SHANK2: variants seen among roughly 807,000 people sequenced by gnomAD.
The protein encoded by SHANK2 is SH3 and multiple ankyrin repeat domains 2, also known as SH3 and multiple ankyrin repeat domains protein 2.
In SHANK2, 43 loss-of-function variants were observed where a neutral mutation model predicts 133.7. That is an observed-to-expected ratio of 0.32 (90% confidence interval 0.25 to 0.41). SHANK2 has a LOEUF of 0.41. SHANK2 is among the 10% of genes least tolerant of loss of function. The pLI is 1.00. For synonymous variants in SHANK2, 1,017 were observed against 952.8 expected, an observed-to-expected ratio of 1.07 and a Z score of -1.24; for missense variants, 1,994 against 2,235.8, an observed-to-expected ratio of 0.89 and a Z score of 2.18.
chr11:71,119,244 C>T (rs1346257291), intron 3 of SHANK2, among the ~76,000 whole-genome samples: 1 of 152,152 alleles, frequency 6.6e-6, no homozygotes, highest in Non-Finnish European at 1.5e-5. Flanking sequence ...AAAGGAAAGA[C>T]CGAGGCATTG....
At chr11:70,505,401 TGCCCAG>T (rs782481766) in intron 17 of SHANK2, among the ~76,000 whole-genome samples, 55 of 151,896 alleles carry the variant, frequency 3.6e-4, no homozygotes, top group Admixed American at 7.8e-4. Context: ...GGAGGCAGGC[TGCCCAG>T]GCTCAGGAGC....
At chr11:70,948,555 T>G (rs1950788129) in intron 10 of SHANK2, among the ~76,000 whole-genome samples, 1 of 152,216 alleles carries the variant, frequency 6.6e-6, no homozygotes, top group African/African-American at 2.4e-5. Context: ...GAATCCCAAA[T>G]AAGACTCAGA....
Position 70,950,301 on chromosome 11 carries a change from C to T in SHANK2, c.1108-53734G>A, listed in dbSNP as rs113039235. Among the ~76,000 whole-genome samples, 1,004 of 151,988 alleles carry T rather than the reference C, an allele frequency of 6.6e-3. 7 individuals are homozygous for T. Among genetic ancestry groups the T allele is most frequent in the African/African-American group, 0.024 (977 of 41,458 alleles). ...AAGTGATTCTCCTGCCTCAGCCTCC[C>T]GAGTAGCTGGGATTACAGGCGAGCA... On this transcript the variant is annotated intron_variant, in intron 10 of 25. Transcript: ENST00000601538.
chr11:70,954,003 T>G (rs1287017228), intron 10 of SHANK2, among the ~76,000 whole-genome samples: 2 of 152,202 alleles, frequency 1.3e-5, no homozygotes, highest in Non-Finnish European at 2.9e-5. Context: ...CAGTCTTACA[T>G]GAACTTTACA....
intron 17 of SHANK2, among the ~76,000 whole-genome samples, chr11:70,534,906 C>A (rs1428887639): frequency 6.6e-6 from 1 of 152,016 alleles, no homozygotes; most frequent in Non-Finnish European, 1.5e-5. Context: ...TTCGGCCCAA[C>A]AGAGATGAGG....
Position 70,830,009 on chromosome 11 carries a change from G to A in SHANK2, c.1175-9327C>T, listed in dbSNP as rs551891742. On this transcript the variant is annotated intron_variant, in intron 11 of 25. Coordinates refer to ENST00000601538, the MANE Select transcript of SHANK2 (RefSeq NM_012309.5). This position sits in a 1 kb window ranked among gnomAD's most constrained non-coding sequence, Gnocchi z 4.4. ...GGGTTCTCACTGTCAGACGCGGGCA[G>A]CAGCCTGTAAGAGCCTCCTTCCCCC... is the stretch of plus-strand genomic sequence containing the variant. Among the ~76,000 whole-genome samples, 1 of 152,308 alleles carries A rather than the reference G, an allele frequency of 6.6e-6. No homozygotes were observed. The highest frequency in any genetic ancestry group is 2.1e-4 in the South Asian group (1 of 4,828).
At chr11:71,116,552 C>T (rs1461572843) in intron 4 of SHANK2, among the ~76,000 whole-genome samples, 8 of 152,226 alleles carry the variant, frequency 5.3e-5, no homozygotes, top group South Asian at 2.1e-4. Context: ...CAAAGAGCCC[C>T]GGTCACCCGG....
At chr11:70,599,907 GA>G (rs1228095491) in intron 17 of SHANK2, among the ~76,000 whole-genome samples, 1 of 12,612 alleles carries the variant, frequency 7.9e-5, no homozygotes, top group Non-Finnish European at 1.7e-4. Context: ...GAAAGAAAGA[GA>G]AAGAAAGAAA....
intron 14 of SHANK2, among the ~76,000 whole-genome samples, chr11:70,762,816 G>C (rs1947023152): frequency 6.6e-6 from 1 of 152,254 alleles, no homozygotes; most frequent in Admixed American, 6.5e-5. Flanking sequence ...CACCTGAAAT[G>C]TGTGCCCTCA....
intron 15 of SHANK2, among the ~76,000 whole-genome samples, chr11:70,675,075 C>T (rs566056776): frequency 2.0e-5 from 3 of 152,294 alleles, no homozygotes; most frequent in East Asian, 1.9e-4. Context: ...GCAAGGAGAA[C>T]GCGTTTTAGA....
At chr11:70,880,609 C>A (rs1191973640) in intron 11 of SHANK2, among the ~76,000 whole-genome samples, 1 of 152,226 alleles carries the variant, frequency 6.6e-6, no homozygotes, top group Non-Finnish European at 1.5e-5. Context: ...ACACAGAAGT[C>A]AAGACTCTTC....
intron 3 of SHANK2, among the ~76,000 whole-genome samples, chr11:71,119,400 C>T (rs529365439): frequency 1.9e-4 from 29 of 152,114 alleles, no homozygotes; most frequent in African/African-American, 3.1e-4. Flanking sequence ...GCCAACATGG[C>T]GAAACCCCAT....
intron 2 of SHANK2, among the ~76,000 whole-genome samples, chr11:71,158,725 A>G (rs1221657729): frequency 6.6e-6 from 1 of 152,244 alleles, no homozygotes; most frequent in Non-Finnish European, 1.5e-5. Flanking sequence ...AAAAAGTTAT[A>G]ATATGAAAAC....
At position 70,471,463 on chromosome 11, in the gene SHANK2, G is replaced by A; in HGVS notation, c.*1406C>T. 2 of 398,714 alleles carry A rather than the reference G, an allele frequency of 5.0e-6. No individual in the cohort carries two copies. The highest frequency in any genetic ancestry group is 8.8e-5 in the Admixed American group (2 of 22,732). The allele number at this position is 398,714 out of a possible 1,614,324, so 24.7% of individuals were successfully genotyped here. On this transcript the variant is annotated 3_prime_UTR_variant, in exon 26 of 26. Coordinates refer to ENST00000601538, the MANE Select transcript of SHANK2 (RefSeq NM_012309.5). This position sits in a 1 kb window ranked among gnomAD's most constrained non-coding sequence, Gnocchi z 4.1. ...TCGAGGTATTGTTATGGGGTGGAGG[G>A]ACTCCGGGGAAAGAAAGGGGCGGGG... is the stretch of plus-strand genomic sequence containing the variant.
At chr11:70,544,436 T>C (rs1236850831) in intron 17 of SHANK2, among the ~76,000 whole-genome samples, 1 of 152,216 alleles carries the variant, frequency 6.6e-6, no homozygotes, top group African/African-American at 2.4e-5. Flanking sequence ...CTACTGCCCC[T>C]GTCTGTCCCT....
chr11:70,483,536 CAAAAAAAAA>C lies in SHANK2; in HGVS notation c.4979+1769_4979+1777del, dbSNP rs10590898. On this transcript the variant is annotated intron_variant, in intron 25 of 25. Transcript: ENST00000601538. ...ACACATGGTGAGACCTCATCTCTAC[CAAAAAAAAA>C]AAAAAAAAAAAAAAAAATAGCTGGG... Among the ~76,000 whole-genome samples, 40 of 44,538 alleles carry C rather than the reference CAAAAAAAAA, an allele frequency of 9.0e-4. No individual in the cohort carries two copies. The South Asian group carries it at 0.02, about 23-fold the overall frequency. 29.2% of individuals were successfully genotyped at this position (44,538 alleles called of 152,430 possible). A position where few individuals can be genotyped will look rare whatever the true frequency, so the allele number is the denominator to read the frequency against.
At chr11:71,157,140 A>G (rs1555109215) in intron 2 of SHANK2, among the ~76,000 whole-genome samples, 1 of 148,504 alleles carries the variant, frequency 6.7e-6, no homozygotes, top group Non-Finnish European at 1.5e-5. Flanking sequence ...ATACACACAC[A>G]TATATATAAA....
chr11:70,818,293 A>G (rs1555054902), intron 12 of SHANK2, among the ~76,000 whole-genome samples: 2 of 152,096 alleles, frequency 1.3e-5, no homozygotes, highest in Non-Finnish European at 1.5e-5. Flanking sequence ...GCATGCACAT[A>G]CATACACAGG....
chr11:70,599,857 G>T (rs2060456396), intron 17 of SHANK2, among the ~76,000 whole-genome samples: 1 of 93,826 alleles, frequency 1.1e-5, no homozygotes, highest in Non-Finnish European at 2.2e-5. Context: ...ACGAAAGAAA[G>T]AAATAAAAAG....
Sources: allele counts gnomAD v4.1 joint callset (sites outside exome capture counted in the v4.1 genomes callset), GRCh38; gene constraint gnomAD v4.1.1; non-coding constraint Gnocchi (gnomAD v3.1); transcripts MANE v1.5; gene names NCBI Gene and HGNC (gene_info 2026-07-23, HGNC 2026-07-21).